Variants in ELOB observed in about 807,000 individuals in gnomAD.
ELOB encodes elongin B, also known as elongin-B.
A neutral mutation model predicts 12.9 loss-of-function variants in ELOB; 3 were observed. The ratio of observed to expected loss-of-function variants is 0.23; its 90% CI spans 0.11 to 0.60. The LOEUF (loss-of-function observed/expected upper bound fraction) is 0.60. Among genes scored for constraint, ELOB ranks in the 20% least tolerant of loss-of-function variants. The probability of loss-of-function intolerance (pLI) is 0.89; values close to 1 mark genes in which losing one functional copy is unlikely to be tolerated. For synonymous variants in ELOB, 84 were observed against 67.4 expected (o/e 1.25, Z -1.21); for missense variants, 126 against 159.2 (o/e 0.79, Z 1.12).
intron 2 of ELOB, among the ~76,000 whole-genome samples, chr16:2,776,504 A>G (rs1238274776): frequency 6.6e-6 from 1 of 152,214 alleles, no homozygotes; most frequent in Non-Finnish European, 1.5e-5. Context: ...TCGGGAGGTA[A>G]TAACAAACGG....
chr16:2,772,425 A>G (rs980005028), intron 3 of ELOB: 29 of 189,114 alleles, frequency 1.5e-4, no homozygotes, highest in African/African-American at 6.2e-4. Flanking sequence ...CACCCAGAAT[A>G]TATCTCCTTG....
Position 2,774,497 on chromosome 16 carries a change from CAG to C in ELOB, c.244+952_244+953del, listed in dbSNP as rs1174948965. On this transcript the variant is annotated intron_variant, in intron 3 of 3. Coordinates refer to ENST00000409906, the MANE Select transcript of ELOB (RefSeq NM_007108.4). The stretch of plus-strand genomic sequence containing the variant: ...GGGGCAGGAGGGCAAGGTAGCTGGC[CAG>C]AGGATATAGCTGCTGAGACTGAGGC... Among the ~76,000 whole-genome samples, 4 of 152,212 alleles carry C rather than the reference CAG, an allele frequency of 2.6e-5. No individual in the cohort carries two copies. In the East Asian group the frequency reaches 7.7e-4, roughly 29 times the overall value.
intron 3 of ELOB, among the ~76,000 whole-genome samples, chr16:2,775,043 C>T (rs959107408): frequency 1.3e-5 from 2 of 152,156 alleles, no homozygotes; most frequent in Non-Finnish European, 2.9e-5. Context: ...GCATCCTAAC[C>T]GTGGCTCCCT....
chr16:2,776,545 T>C (rs934484974), intron 2 of ELOB, among the ~76,000 whole-genome samples: 3 of 152,242 alleles, frequency 2.0e-5, no homozygotes, highest in Admixed American at 6.5e-5. Context: ...GGGACCTGAC[T>C]TTCTTTGCAT....
chr16:2,777,186 C>T, intron 1 of ELOB, 51 bp downstream of exon 1: 4 of 1,009,948 alleles, frequency 4.0e-6, no homozygotes, highest in Non-Finnish European at 4.7e-6. Context: ...GCCCAGCCGC[C>T]CCCCGCCGCC....
Position 2,772,400 on chromosome 16 carries a change from G to A in ELOB, c.245-298C>T, listed in dbSNP as rs150550356. 585 of 226,306 alleles carry A rather than the reference G, an allele frequency of 2.6e-3. 2 individuals carry two copies. Among genetic ancestry groups the A allele is most frequent in the African/African-American group, 0.013 (549 of 43,718 alleles). 14.0% of individuals were successfully genotyped at this position (226,306 alleles called of 1,614,324 possible). On this transcript the variant is annotated intron_variant, in intron 3 of 3. Coordinates refer to ENST00000409906, the MANE Select transcript of ELOB (RefSeq NM_007108.4). The stretch of plus-strand genomic sequence containing the variant: ...TGAGTCTGAGGGCTCACCATCTGCA[G>A]CCAGCATCACCCTTCACCCAGAATA...
intron 3 of ELOB, 131 bp downstream of exon 3, chr16:2,775,320 G>C: frequency 1.9e-6 from 1 of 531,594 alleles, no homozygotes; most frequent in Non-Finnish European, 3.2e-6. Flanking sequence ...AAAGGATATT[G>C]CCAGCCCTTT....
At chr16:2,774,369 T>TGGCA (rs1355886443) in intron 3 of ELOB, among the ~76,000 whole-genome samples, 1 of 152,236 alleles carries the variant, frequency 6.6e-6, no homozygotes, top group Non-Finnish European at 1.5e-5. Flanking sequence ...TGTTGGGCAC[T>TGGCA]GGCAGCAGGC....
At chr16:2,772,127 AG>A (rs111815759) in intron 3 of ELOB, 25 bp from the exon 4 acceptor site, 77 of 1,570,280 alleles carry the variant, frequency 4.9e-5, no homozygotes, top group African/African-American at 2.2e-4. Flanking sequence ...GCAGAGCTGC[AG>A]GGGGGTATTC....
intron 3 of ELOB, among the ~76,000 whole-genome samples, chr16:2,774,544 C>T (rs929042970): frequency 2.6e-5 from 4 of 152,212 alleles, no homozygotes; most frequent in Non-Finnish European, 4.4e-5. Flanking sequence ...ACTTATGGAA[C>T]GGAAAGGTGG....
At chr16:2,773,150 C>T (rs757915919) in intron 3 of ELOB, among the ~76,000 whole-genome samples, 5 of 152,076 alleles carry the variant, frequency 3.3e-5, no homozygotes, top group Non-Finnish European at 5.9e-5. Flanking sequence ...GTGCTTTCTT[C>T]CAGCTAGGAG....
At chr16:2,775,426 G>A (rs766382150) in intron 3 of ELOB, 25 bp downstream of exon 3, 27 of 1,536,494 alleles carry the variant, frequency 1.8e-5, no homozygotes, top group Admixed American at 9.0e-5. Flanking sequence ...CTACCACCCA[G>A]CCCAGTGGGT....
intron 2 of ELOB, chr16:2,775,770 T>C (rs866180085): frequency 6.6e-6 from 3 of 455,800 alleles, no homozygotes; most frequent in Non-Finnish European, 7.8e-6. Context: ...TAGAATCCGG[T>C]TTTATCCAAA....
intron 3 of ELOB, among the ~76,000 whole-genome samples, chr16:2,774,199 C>T (rs536491961): frequency 6.7e-6 from 1 of 149,220 alleles, no homozygotes; most frequent in East Asian, 2.1e-4. Context: ...CACTGCACTC[C>T]AGCCTAGACA....
chr16:2,773,786 T>C (rs553553467), intron 3 of ELOB, among the ~76,000 whole-genome samples: 5 of 152,286 alleles, frequency 3.3e-5, no homozygotes, highest in Admixed American at 6.5e-5. Flanking sequence ...ATCTGCAAAA[T>C]GGGTCTATCA....
Position 2,771,424 on chromosome 16 carries a change from G to C in ELOB, c.*566C>G, listed in dbSNP as rs768272140. Reference sequence around the variant, plus strand: ...GAGAAATGCAGGAACTGGGTCTGTAGACTGTTTATTAAAGGTGTGTTAAGG... The same window carrying C: ...GAGAAATGCAGGAACTGGGTCTGTACACTGTTTATTAAAGGTGTGTTAAGG... On this transcript the variant is annotated 3_prime_UTR_variant, in exon 4 of 4. Coordinates refer to ENST00000409906, the MANE Select transcript of ELOB (RefSeq NM_007108.4). 1 of 1,613,622 alleles carries C rather than the reference G, an allele frequency of 6.2e-7. No individual in the cohort carries two copies. Among genetic ancestry groups the C allele is most frequent in the East Asian group, 2.2e-5 (1 of 44,884 alleles).
intron 2 of ELOB, among the ~76,000 whole-genome samples, chr16:2,776,357 ACAAT>A (rs2068800027): frequency 6.6e-6 from 1 of 152,172 alleles, no homozygotes; most frequent in Non-Finnish European, 1.5e-5. Flanking sequence ...CGACAACCTC[ACAAT>A]GTTGGGAGAC....
Position 2,771,430 on chromosome 16 carries a change from T to G in ELOB, c.*560A>C. ...TGCAGGAACTGGGTCTGTAGACTGT[T>G]TATTAAAGGTGTGTTAAGGGGGCAG... On this transcript the variant is annotated 3_prime_UTR_variant, in exon 4 of 4. Transcript: ENST00000409906. 6.2e-7 allele frequency: 1 copy of G among 1,613,714 alleles called. No individual in the cohort carries two copies. Among genetic ancestry groups the G allele is most frequent in the Non-Finnish European group, 8.5e-7 (1 of 1,179,728 alleles).
At chr16:2,774,967 G>A (rs1683127621) in intron 3 of ELOB, among the ~76,000 whole-genome samples, 1 of 152,192 alleles carries the variant, frequency 6.6e-6, no homozygotes, top group Non-Finnish European at 1.5e-5. Flanking sequence ...GAGATGCAGA[G>A]GGTTTCGGTG....
Sources: allele counts gnomAD v4.1 joint callset (sites outside exome capture counted in the v4.1 genomes callset), GRCh38; gene constraint gnomAD v4.1.1; transcripts MANE v1.5; gene names NCBI Gene and HGNC (gene_info 2026-07-23, HGNC 2026-07-21).